The following GATA5 variants were observed in gnomAD, a reference collection of about 807,000 sequenced individuals.
GATA5 encodes GATA binding protein 5, also known as transcription factor GATA-5.
GATA5 carries 27 observed loss-of-function variants against 35.0 expected under a neutral mutation model. The observed-to-expected ratio is 0.77, with a 90% confidence interval of 0.57 to 1.06. The LOEUF (loss-of-function observed/expected upper bound fraction) is 1.06. GATA5 is among the 50% of genes least tolerant of loss of function. GATA5 has a pLI of 0.00. For synonymous variants in GATA5, 306 were observed against 267.8 expected (o/e 1.14, Z -1.39); for missense variants, 612 against 580.0 (o/e 1.06, Z -0.57).
intron 3 of GATA5, among the ~76,000 whole-genome samples, chr20:62,467,930 A>G (rs1165788076): frequency 6.6e-6 from 1 of 151,928 alleles, no homozygotes; most frequent in African/African-American, 2.4e-5. Flanking sequence ...CCTGTCTGTT[A>G]CAGCCCACCT....
Position 62,475,440 on chromosome 20 carries a change from C to T in GATA5, c.82G>A (p.Ala28Thr). The change falls in exon 2 of 7, where the codon GCC becomes ACC. Residue 28 changes from alanine to threonine, a missense_variant. By Grantham distance (58) the Ala-to-Thr change is moderately conservative. Coordinates refer to ENST00000252997, the MANE Select transcript of GATA5 (RefSeq NM_080473.5). ...GGCGGCACAAACATCGGAGAGCCGG[C>T]GCCCGGAGCGTGCAGGAAGGAGCCC... ...DSGSFLHAPG[A>T]GSPMFVPPAR... 3 of 1,355,868 alleles carry T rather than the reference C, an allele frequency of 2.2e-6. No homozygotes were observed. Among genetic ancestry groups the T allele is most frequent in the South Asian group, 1.9e-5 (1 of 51,780 alleles). 84.0% of individuals were successfully genotyped at this position (1,355,868 alleles called of 1,614,324 possible).
chr20:62,473,358 G>A, intron 3 of GATA5, 45 bp downstream of exon 3: 3 of 1,566,744 alleles, frequency 1.9e-6, no homozygotes, highest in Non-Finnish European at 8.6e-7. Context: ...GGTCCCCTCG[G>A]GGGAGCACTG....
chr20:62,466,348 T>C, intron 4 of GATA5, 78 bp downstream of exon 4: 1 of 1,453,848 alleles, frequency 6.9e-7, no homozygotes. Context: ...CCCCAGCCTC[T>C]TGGTCTGAGA....
At chr20:62,473,700 G>C (rs886361966) in intron 2 of GATA5, 122 bp from the exon 3 acceptor site, 2 of 822,698 alleles carry the variant, frequency 2.4e-6, no homozygotes, top group South Asian at 1.9e-5. Context: ...ATAAACTTAA[G>C]GCACAAATCT....
chr20:62,467,947 C>T (rs1027794941), intron 3 of GATA5, among the ~76,000 whole-genome samples: 4 of 149,512 alleles, frequency 2.7e-5, no homozygotes, highest in Admixed American at 2.6e-4. Context: ...ACCTCGGTTT[C>T]CCCATCTGTT....
At chr20:62,473,287 T>C (rs1989765400) in intron 3 of GATA5, 116 bp downstream of exon 3, 1 of 1,218,064 alleles carries the variant, frequency 8.2e-7, no homozygotes, top group African/African-American at 1.5e-5. Context: ...CCAGGCTGTT[T>C]TTGGGACACT....
chr20:62,471,334 G>C (rs1373961845), intron 3 of GATA5, among the ~76,000 whole-genome samples: 1 of 151,882 alleles, frequency 6.6e-6, no homozygotes, highest in Non-Finnish European at 1.5e-5. Context: ...CAGTCTCACG[G>C]GAGCTGGGCT....
Position 62,475,080 on chromosome 20 carries a change from G to C in GATA5, c.442C>G (p.Pro148Ala), listed in dbSNP as rs1176951990. 2 of 1,405,676 alleles carry C rather than the reference G, an allele frequency of 1.4e-6. No homozygotes were observed. The highest frequency in any genetic ancestry group is 3.2e-5 in the Admixed American group (1 of 31,468). 87.1% of individuals were successfully genotyped at this position (1,405,676 alleles called of 1,614,324 possible). ...YSATYPAYVS[P>A]DVAQSWTAGP... ...GCAGTCCAGGACTGGGCCACGTCGG[G>C]GCTCACGTAGGCCGGGTAGGTGGCG... The change falls in exon 2 of 7, where the codon CCC becomes GCC. Residue 148 changes from proline to alanine, a missense_variant. Coordinates refer to ENST00000252997, the MANE Select transcript of GATA5 (RefSeq NM_080473.5).
intron 2 of GATA5, among the ~76,000 whole-genome samples, chr20:62,473,866 TC>T (rs1989784551): frequency 6.6e-6 from 1 of 152,190 alleles, no homozygotes; most frequent in African/African-American, 2.4e-5. Flanking sequence ...GACTCCCGGC[TC>T]CGGGACCGGG....
At chr20:62,475,643 T>G in intron 1 of GATA5, 101 bp from the exon 2 acceptor site, 1 of 778,468 alleles carries the variant, frequency 1.3e-6, no homozygotes, top group Admixed American at 4.3e-5. Flanking sequence ...GGGCAGCGCT[T>G]CCCAGTCCCC....
chr20:62,464,722 C>T lies in GATA5; in HGVS notation c.*114G>A. On this transcript the variant is annotated 3_prime_UTR_variant, in exon 7 of 7. Coordinates refer to ENST00000252997, the MANE Select transcript of GATA5 (RefSeq NM_080473.5). ...GTGTGGAGACTCCAGCAGACCCAGT[C>T]TCTGGGTTGGGGGGCCTGCTGGTCT... 3 of 936,390 alleles carry T rather than the reference C, an allele frequency of 3.2e-6. No individual in the cohort carries two copies. The highest frequency in any genetic ancestry group is 4.7e-6 in the Non-Finnish European group (3 of 641,454). 58.0% of individuals were successfully genotyped at this position (936,390 alleles called of 1,614,324 possible). A position where few individuals can be genotyped will look rare whatever the true frequency, so the allele number is the denominator to read the frequency against.
intron 3 of GATA5, among the ~76,000 whole-genome samples, chr20:62,469,713 A>G (rs1989677203): frequency 1.3e-5 from 2 of 152,218 alleles, no homozygotes; most frequent in Non-Finnish European, 2.9e-5. Flanking sequence ...CTATCAAATT[A>G]AGACAATGGG....
rs782487182 is a variant in GATA5, at chr20:62,464,580, TG to T, written c.*255del. The T allele has an allele frequency of 7.3e-4, 276 of 377,456 alleles. 1 individual carries two copies. Among genetic ancestry groups the T allele is most frequent in the Non-Finnish European group, 4.0e-4 (85 of 212,242 alleles). 23.4% of individuals were successfully genotyped at this position (377,456 alleles called of 1,614,324 possible). ...AGGGGGCCAGTGTGGTCCGGAGCCTTGGGCCGCACCTGGGGAGTCCCTTGCT... is the reference window on the plus strand; with the variant it reads ...AGGGGGCCAGTGTGGTCCGGAGCCTTGGCCGCACCTGGGGAGTCCCTTGCT... On this transcript the variant is annotated 3_prime_UTR_variant, in exon 7 of 7. Coordinates refer to ENST00000252997, the MANE Select transcript of GATA5 (RefSeq NM_080473.5).
In GATA5 at chr20:62,475,237, G is replaced by C. The variant is rs1036595030; in HGVS notation, c.285C>G (p.Phe95Leu). The change falls in exon 2 of 7, where the codon TTC (phenylalanine) becomes TTG (leucine). Residue 95 changes from phenylalanine (F) to leucine (L), a missense_variant. Physicochemically the swap from Phe to Leu is conservative, Grantham distance 22. Transcript: ENST00000252997. ...AHPPGATAFP[F>L]AHSPSGPGSG... is the part of the protein sequence containing the mutation. ...TGCCGGGCCCCGAGGGGCTGTGCGC[G>C]AAAGGGAAGGCGGTGGCCCCGGGCG... 2 of 1,248,016 alleles carry C rather than the reference G, an allele frequency of 1.6e-6. No individual in the cohort carries two copies. The highest frequency in any genetic ancestry group is 2.0e-6 in the Non-Finnish European group (2 of 995,738). The allele number at this position is 1,248,016 out of a possible 1,614,324, so 77.3% of individuals were successfully genotyped here.
rs1387659478 is a variant in GATA5 at position 62,475,063 on chromosome 20, G to A, written c.459C>T (p.Ser153=). The change falls in exon 2 of 7, where the codon TCC becomes TCT. Residue 153 remains serine, a synonymous_variant. Coordinates refer to ENST00000252997, the MANE Select transcript of GATA5 (RefSeq NM_080473.5). The part of the protein sequence containing the change: ...PAYVSPDVAQ[S]WTAGPFDGSV... ...TGCCATCGAAGGGCCCGGCAGTCCA[G>A]GACTGGGCCACGTCGGGGCTCACGT... 1.4e-6 allele frequency: 2 copies of A among 1,416,900 alleles called. No individual in the cohort carries two copies. Among genetic ancestry groups the A allele is most frequent in the Admixed American group, 6.1e-5 (2 of 32,628 alleles). 87.8% of individuals were successfully genotyped at this position (1,416,900 alleles called of 1,614,324 possible).
chr20:62,475,356 G>A lies in GATA5; in HGVS notation c.166C>T (p.Pro56Ser). 7.9e-7 allele frequency: 1 copy of A among 1,260,300 alleles called. No individual in the cohort carries two copies. Among genetic ancestry groups the A allele is most frequent in the Non-Finnish European group, 1.0e-6 (1 of 1,001,378 alleles). The allele number at this position is 1,260,300 out of a possible 1,614,324, so 78.1% of individuals were successfully genotyped here. A position where few individuals can be genotyped will look rare whatever the true frequency, so the allele number is the denominator to read the frequency against. Residue 56 changes from proline to serine, a missense_variant, in exon 2 of 7, where the codon CCC becomes TCC. Transcript: ENST00000252997. ...CAGCCGGGGCGCGCAGCGAGCTCGG[G>A]GGGCTGCGGGCTCGGCTCACACCCG... is the stretch of plus-strand genomic sequence containing the variant. ...LSGCEPSPQPPELAARPGWAQ... is the reference protein window; with the variant it reads ...LSGCEPSPQPSELAARPGWAQ...
chr20:62,463,709 A>T lies in GATA5; in HGVS notation c.*1127T>A, dbSNP rs2146477696. 6.8e-6 allele frequency: 1 copy of T among 148,116 alleles called. No homozygotes were observed. Among genetic ancestry groups the T allele is most frequent in the East Asian group, 1.9e-4 (1 of 5,132 alleles). The allele number at this position is 148,116 out of a possible 1,614,324, so 9.2% of individuals were successfully genotyped here. On this transcript the variant is annotated 3_prime_UTR_variant, in exon 7 of 7. Transcript: ENST00000252997. ...GCTCACAATGTTAAAAATATTTTTG[A>T]ATCAAATTGGAAGACTTAAAATCCA...
At chr20:62,474,458 C>T (rs974995131) in intron 2 of GATA5, among the ~76,000 whole-genome samples, 2 of 152,342 alleles carry the variant, frequency 1.3e-5, no homozygotes, top group South Asian at 4.1e-4. Flanking sequence ...TCCAAGGTCC[C>T]GGAGGGACGG....
In GATA5 at chr20:62,475,219, C is replaced by A; in HGVS notation, c.303G>T (p.Gly101=). The A allele has an allele frequency of 1.6e-6, 2 of 1,250,256 alleles. No homozygotes were observed. The highest frequency in any genetic ancestry group is 3.2e-5 in the East Asian group (1 of 31,738). 77.4% of individuals were successfully genotyped at this position (1,250,256 alleles called of 1,614,324 possible). ...TAFPFAHSPS[G]PGSGGSAGGR... ...CCCCCGCGCTGCCGCCGCTGCCGGG[C>A]CCCGAGGGGCTGTGCGCGAAAGGGA... is the stretch of plus-strand genomic sequence containing the variant. Residue 101 remains glycine (G), a synonymous_variant, in exon 2 of 7, where the codon GGG becomes GGT. Coordinates refer to ENST00000252997, the MANE Select transcript of GATA5 (RefSeq NM_080473.5).
Sources: gnomAD v4.1 joint callset for allele counts (sites outside exome capture counted in the v4.1 genomes callset) on GRCh38, gnomAD v4.1.1 for gene constraint, MANE v1.5 for transcripts, NCBI Gene and HGNC (gene_info 2026-07-23, HGNC 2026-07-21) for gene names.